LRRC4C: variants seen among roughly 807,000 people sequenced by gnomAD.
LRRC4C encodes the protein leucine rich repeat containing 4C, also known as leucine-rich repeat-containing protein 4C.
LRRC4C carries 5 observed loss-of-function variants against 33.6 expected under a neutral mutation model. That is an observed-to-expected ratio of 0.15 (90% CI 0.08 to 0.31). The LOEUF (loss-of-function observed/expected upper bound fraction) is 0.31. Ranked by LOEUF, LRRC4C falls within the 10% of genes least tolerant of loss-of-function variation. LRRC4C has a pLI of 1.00. For synonymous variants in LRRC4C, 329 were observed against 302.0 expected, an observed-to-expected ratio of 1.09 and a Z score of -0.93; for missense variants, 560 against 796.7, an observed-to-expected ratio of 0.70 and a Z score of 3.58.
At chr11:41,182,848 TAA>T (rs57291815) in intron 1 of LRRC4C, among the ~76,000 whole-genome samples, 368 of 143,968 alleles carry the variant, frequency 2.6e-3, no homozygotes, top group Non-Finnish European at 2.9e-3. Flanking sequence ...CTGGGCAATT[TAA>T]AAAAAAAAAA....
chr11:40,451,067 T>G (rs1257455476), intron 3 of LRRC4C, among the ~76,000 whole-genome samples: 2 of 151,748 alleles, frequency 1.3e-5, no homozygotes, highest in Non-Finnish European at 2.9e-5. Flanking sequence ...ATAATATATA[T>G]ATTTATACAA....
intron 3 of LRRC4C, among the ~76,000 whole-genome samples, chr11:40,579,677 T>G (rs1222113391): frequency 1.3e-5 from 2 of 152,274 alleles, no homozygotes; most frequent in Admixed American, 6.5e-5. Flanking sequence ...CTTACGTGTT[T>G]GTACAAGCTG....
At chr11:40,962,155 C>T (rs1429830590) in intron 1 of LRRC4C, among the ~76,000 whole-genome samples, 6 of 151,232 alleles carry the variant, frequency 4.0e-5, no homozygotes, top group East Asian at 1.9e-4. Context: ...CAAGGGCACC[C>T]GCATCAGAGA....
chr11:40,547,637 T>C (rs1956977133), intron 3 of LRRC4C, among the ~76,000 whole-genome samples: 1 of 152,110 alleles, frequency 6.6e-6, no homozygotes, highest in South Asian at 2.1e-4. Context: ...CTTATTGCTT[T>C]TGCTTTTCCA....
chr11:41,067,001 G>A (rs1199625893), intron 1 of LRRC4C, among the ~76,000 whole-genome samples: 1 of 152,098 alleles, frequency 6.6e-6, no homozygotes, highest in Non-Finnish European at 1.5e-5. Flanking sequence ...TGAAGAAGCT[G>A]CATCAACTAG....
At chr11:40,251,672 T>G (rs1387064311) in intron 4 of LRRC4C, among the ~76,000 whole-genome samples, 1 of 152,222 alleles carries the variant, frequency 6.6e-6, no homozygotes, top group Non-Finnish European at 1.5e-5. Context: ...CACCTTCACC[T>G]AGAAGTAAAG....
chr11:41,208,721 A>G (rs986690734), intron 1 of LRRC4C, among the ~76,000 whole-genome samples: 1 of 152,232 alleles, frequency 6.6e-6, no homozygotes, highest in Non-Finnish European at 1.5e-5. Context: ...TCCCAAAGAC[A>G]ATTCAGAGAT....
At chr11:40,640,990 C>G (rs1360865521) in intron 3 of LRRC4C, among the ~76,000 whole-genome samples, 1 of 137,238 alleles carries the variant, frequency 7.3e-6, no homozygotes, top group Non-Finnish European at 1.5e-5. Flanking sequence ...CACTCCAGCC[C>G]GCGCTACAGA....
At chr11:41,264,240 C>A (rs1381911713) in intron 1 of LRRC4C, among the ~76,000 whole-genome samples, 1 of 151,898 alleles carries the variant, frequency 6.6e-6, no homozygotes, top group Non-Finnish European at 1.5e-5. Flanking sequence ...TACAGGTGCA[C>A]ACCACCACGT....
chr11:40,346,652 T>C (rs1947144373), intron 3 of LRRC4C, among the ~76,000 whole-genome samples: 2 of 152,160 alleles, frequency 1.3e-5, no homozygotes, highest in Admixed American at 6.5e-5. Flanking sequence ...ATCCCCACGA[T>C]ACAAGTTTAC....
intron 1 of LRRC4C, among the ~76,000 whole-genome samples, chr11:41,270,589 A>G (rs1437152475): frequency 1.3e-5 from 2 of 152,070 alleles, no homozygotes; most frequent in Non-Finnish European, 2.9e-5. Context: ...AAAGTAAGAG[A>G]AATTGATATT....
At chr11:40,303,555 A>G (rs1049996302) in intron 4 of LRRC4C, among the ~76,000 whole-genome samples, 1 of 152,192 alleles carries the variant, frequency 6.6e-6, no homozygotes, top group Non-Finnish European at 1.5e-5. Context: ...CTGGAGCTAT[A>G]TGAGAAGAGT....
intron 3 of LRRC4C, among the ~76,000 whole-genome samples, chr11:40,539,290 G>A (rs7940470): frequency 0.021 from 3,144 of 152,000 alleles, 120 homozygotes; most frequent in African/African-American, 0.072. Context: ...AGTACTGCTT[G>A]GACATGTAAA....
chr11:41,104,668 C>T (rs1941391727), intron 1 of LRRC4C, among the ~76,000 whole-genome samples: 2 of 151,546 alleles, frequency 1.3e-5, no homozygotes, highest in African/African-American at 2.4e-5. Context: ...TATAAATGTT[C>T]GTGGCAACAG....
intron 3 of LRRC4C, among the ~76,000 whole-genome samples, chr11:40,354,908 T>A (rs534673121): frequency 6.6e-6 from 1 of 152,134 alleles, no homozygotes; most frequent in South Asian, 2.1e-4. Context: ...GCAGAAGGAA[T>A]CTTTATCCAT....
intron 3 of LRRC4C, among the ~76,000 whole-genome samples, chr11:40,457,610 G>A (rs1028022852): frequency 1.3e-5 from 2 of 151,632 alleles, no homozygotes; most frequent in Non-Finnish European, 2.9e-5. Context: ...AACTGAGAAT[G>A]AGAGTTAAAT....
intron 2 of LRRC4C, among the ~76,000 whole-genome samples, chr11:40,793,933 G>A (rs574670905): frequency 6.6e-6 from 1 of 151,754 alleles, no homozygotes; most frequent in Admixed American, 6.6e-5. Context: ...TCTTATCTTC[G>A]TATAAACTGA....
At chr11:40,888,081 T>A (rs753548286) in intron 2 of LRRC4C, among the ~76,000 whole-genome samples, 1 of 151,968 alleles carries the variant, frequency 6.6e-6, no homozygotes, top group African/African-American at 2.4e-5. Context: ...TAGATCAACA[T>A]ATGTCTCATT....
At chr11:40,566,133 CTAAA>C (rs1431911987) in intron 3 of LRRC4C, among the ~76,000 whole-genome samples, 1 of 32,918 alleles carries the variant, frequency 3.0e-5, no homozygotes, top group Non-Finnish European at 6.3e-5. Context: ...TTTTTTTCCT[CTAAA>C]TATTTTTTGA....
Sources: gnomAD v4.1 joint callset for allele counts (sites outside exome capture counted in the v4.1 genomes callset) on GRCh38, gnomAD v4.1.1 for gene constraint, MANE v1.5 for transcripts, NCBI Gene and HGNC (gene_info 2026-07-23, HGNC 2026-07-21) for gene names.